Variants in SLF1 observed in about 807,000 individuals in gnomAD.
The protein encoded by SLF1 is SMC5-SMC6 complex localization factor protein 1.
In SLF1, 105 loss-of-function variants were observed where a neutral mutation model predicts 123.0. The ratio of observed to expected loss-of-function variants is 0.85; its 90% CI spans 0.73 to 1.00. The LOEUF is 1.00. SLF1 is among the 50% of genes least tolerant of loss of function. The pLI is 0.00. For missense variants in SLF1, 1,239 were observed against 1,223.0 expected (o/e 1.01, Z -0.20); for synonymous variants, 434 against 406.6 (o/e 1.07, Z -0.81).
At chr5:94,665,436 C>T (rs1585183136) in intron 11 of SLF1, among the ~76,000 whole-genome samples, 1 of 151,912 alleles carries the variant, frequency 6.6e-6, no homozygotes, top group African/African-American at 2.4e-5. Context: ...TGTCTAAACA[C>T]GTATATTTGG....
At chr5:94,658,014 T>C (rs904511810) in intron 9 of SLF1, among the ~76,000 whole-genome samples, 2 of 152,112 alleles carry the variant, frequency 1.3e-5, no homozygotes, top group African/African-American at 2.4e-5. Flanking sequence ...TCTATATCTT[T>C]TATGTGGAGA....
At chr5:94,629,984 A>G (rs904915653) in intron 3 of SLF1, among the ~76,000 whole-genome samples, 3 of 148,860 alleles carry the variant, frequency 2.0e-5, no homozygotes, top group Admixed American at 1.3e-4. Flanking sequence ...ATCTCTTAAG[A>G]AAAAAAAAAG....
chr5:94,647,405 G>C (rs6556849), intron 5 of SLF1, among the ~76,000 whole-genome samples: 85,863 of 151,932 alleles, frequency 0.57, 24,848 homozygotes, highest in African/African-American at 0.7. Context: ...GGAATAAGAC[G>C]TGGAGACCAG....
rs368633667 is a variant in SLF1 at position 94,670,222 on chromosome 5, C to T, written c.1604C>T (p.Thr535Met). The T allele has an allele frequency of 2.5e-4, 382 of 1,518,394 alleles. 3 individuals carry two copies. The South Asian group carries it at 4.2e-3, about 17-fold the overall frequency. 94.1% of individuals were successfully genotyped at this position (1,518,394 alleles called of 1,614,324 possible). Residue 535 changes from threonine to methionine, a missense_variant, in exon 13 of 21, where the codon ACG (threonine) becomes ATG (methionine). Transcript: ENST00000265140. ...ATTGGCTCCAAGGTGCTCCACCTGA[C>T]GCTACTCAAATTTTTCTTTAATTTA... is the stretch of plus-strand genomic sequence containing the variant. ...ENIGSKVLHL[T>M]LLKFFFNLIE...
In SLF1 at chr5:94,670,133, TG is replaced by T; in HGVS notation, c.1533-15del. Reference sequence around the variant, plus strand: ...GAATTGCTTGTATGTTATAGATTTTTGGGTTCATGTTTTTCAGGTCTTGCCT... The same window carrying T: ...GAATTGCTTGTATGTTATAGATTTTTGGTTCATGTTTTTCAGGTCTTGCCT... On this transcript the variant is annotated splice_polypyrimidine_tract_variant and intron_variant, in intron 12 of 20. Transcript: ENST00000265140. The T allele has an allele frequency of 6.5e-7, 1 of 1,526,752 alleles. No individual in the cohort carries two copies. Among genetic ancestry groups the T allele is most frequent in the African/African-American group, 1.4e-5 (1 of 71,624 alleles). 94.6% of individuals were successfully genotyped at this position (1,526,752 alleles called of 1,614,324 possible).
At chr5:94,662,225 A>C in intron 9 of SLF1, 73 bp from the exon 10 acceptor site, 1 of 1,317,598 alleles carries the variant, frequency 7.6e-7, no homozygotes, top group South Asian at 1.4e-5. Flanking sequence ...TGTTTTTCCA[A>C]GGTTTTGGGG....
At chr5:94,630,840 A>G (rs1222824871) in intron 4 of SLF1, 97 bp downstream of exon 4, 3 of 1,335,164 alleles carry the variant, frequency 2.2e-6, no homozygotes, top group Admixed American at 5.0e-5. Flanking sequence ...ATTAGCCCAA[A>G]TGAGCCATGG....
At chr5:94,649,741 T>G (rs543893965) in intron 6 of SLF1, 144 bp downstream of exon 6, 1 of 748,492 alleles carries the variant, frequency 1.3e-6, no homozygotes, top group East Asian at 3.0e-5. Context: ...CTTGAACATG[T>G]TAGGAAATTG....
chr5:94,662,166 A>G, intron 9 of SLF1, 132 bp from the exon 10 acceptor site: 1 of 571,236 alleles, frequency 1.8e-6, no homozygotes, highest in Non-Finnish European at 2.8e-6. Context: ...AGTAAATATG[A>G]GTATCATATT....
At position 94,643,427 on chromosome 5, in the gene SLF1, C is replaced by G. The variant is rs1746663679; in HGVS notation, c.586C>G (p.Leu196Val). ...TCCAATTCAGTATCTAGGGGATTTT[C>G]TTTTAGAGGTAAGTAAAATAAATAG... ...FYPIQYLGDF[L>V]LEKEIQNDED... is the part of the protein sequence containing the mutation. The change falls in exon 5 of 21, where the codon CTT (leucine) becomes GTT (valine). Residue 196 changes from leucine to valine, a missense_variant. Coordinates refer to ENST00000265140, the MANE Select transcript of SLF1 (RefSeq NM_032290.4). 1.1e-5 allele frequency: 16 copies of G among 1,451,944 alleles called. No homozygotes were observed. Among genetic ancestry groups the G allele is most frequent in the Non-Finnish European group, 1.5e-5 (16 of 1,093,898 alleles). The allele number at this position is 1,451,944 out of a possible 1,614,324, so 89.9% of individuals were successfully genotyped here. A position where few individuals can be genotyped will look rare whatever the true frequency, so the allele number is the denominator to read the frequency against.
intron 6 of SLF1, among the ~76,000 whole-genome samples, chr5:94,650,512 G>A (rs950347767): frequency 1.2e-4 from 18 of 151,898 alleles, no homozygotes; most frequent in African/African-American, 3.4e-4. Flanking sequence ...ACAGGAGCCC[G>A]CCATTGCGCC....
In SLF1 at chr5:94,669,288, A is replaced by G. The variant is rs180920386; in HGVS notation, c.1533-863A>G. Among the ~76,000 whole-genome samples, 995 of 152,304 alleles carry G rather than the reference A, an allele frequency of 6.5e-3. 4 individuals carry two copies. Among genetic ancestry groups the G allele is most frequent in the Non-Finnish European group, 9.8e-3 (664 of 67,998 alleles). On this transcript the variant is annotated intron_variant, in intron 12 of 20. Transcript: ENST00000265140. ...TATAGATAGATTGAATATTAAATAA[A>G]TTGTTAAAGCTACTAAGGACTCTCC...
chr5:94,689,612 C>G lies in SLF1; in HGVS notation c.2419+6C>G. 1.2e-6 allele frequency: 2 copies of G among 1,600,132 alleles called. No individual in the cohort carries two copies. Among genetic ancestry groups the G allele is most frequent in the Non-Finnish European group, 1.7e-6 (2 of 1,172,210 alleles). On this transcript the variant is annotated splice_donor_region_variant and intron_variant, in intron 18 of 20. Transcript: ENST00000265140. The stretch of plus-strand genomic sequence containing the variant: ...TCACAAGACTAATCTAAAAGGTATT[C>G]CAAGTATTTAAATTAATTTATGCTA...
chr5:94,654,320 A>G (rs1048802882), intron 8 of SLF1, among the ~76,000 whole-genome samples: 1 of 152,030 alleles, frequency 6.6e-6, no homozygotes, highest in Non-Finnish European at 1.5e-5. Context: ...TCCAGGAACA[A>G]TTTGGAACAG....
At position 94,652,711 on chromosome 5, in the gene SLF1, G is replaced by A. The variant is rs375916616; in HGVS notation, c.883-561G>A. Among the ~76,000 whole-genome samples, 10 of 152,204 alleles carry A rather than the reference G, an allele frequency of 6.6e-5. No individual in the cohort carries two copies. The South Asian group carries it at 1.9e-3, about 28-fold the overall frequency. On this transcript the variant is annotated intron_variant, in intron 7 of 20. Transcript: ENST00000265140. ...TTTAGTAATTTCTCTAGCTTAGTTGGTATATTCCTAGGAATGGAGTTGCTG... is the reference window on the plus strand; with the variant it reads ...TTTAGTAATTTCTCTAGCTTAGTTGATATATTCCTAGGAATGGAGTTGCTG...
chr5:94,690,921 C>T (rs531843318), intron 18 of SLF1, among the ~76,000 whole-genome samples: 3 of 140,898 alleles, frequency 2.1e-5, no homozygotes, highest in Non-Finnish European at 3.1e-5. Context: ...TTTTTACATC[C>T]GTGTGTGTGT....
intron 9 of SLF1, among the ~76,000 whole-genome samples, chr5:94,658,854 T>A (rs184853157): frequency 6.6e-6 from 1 of 151,850 alleles, no homozygotes; most frequent in South Asian, 2.1e-4. Flanking sequence ...CCTGTCTTCA[T>A]GTTTAGAAAT....
At chr5:94,652,371 G>T (rs1747841231) in intron 7 of SLF1, among the ~76,000 whole-genome samples, 1 of 152,054 alleles carries the variant, frequency 6.6e-6, no homozygotes, top group Admixed American at 6.6e-5. Flanking sequence ...CTTTGTCTTA[G>T]AATTTGTGTT....
intron 9 of SLF1, among the ~76,000 whole-genome samples, chr5:94,655,273 T>C (rs1748242602): frequency 6.6e-6 from 1 of 152,214 alleles, no homozygotes; most frequent in Non-Finnish European, 1.5e-5. Flanking sequence ...GGATTCTCTG[T>C]TCTTCACTGG....
Sources: gnomAD v4.1 joint callset for allele counts (sites outside exome capture counted in the v4.1 genomes callset) on GRCh38, gnomAD v4.1.1 for gene constraint, MANE v1.5 for transcripts, NCBI Gene and HGNC (gene_info 2026-07-23, HGNC 2026-07-21) for gene names.